The following UHRF2 variants were observed in gnomAD, a reference collection of about 807,000 sequenced individuals.
The protein encoded by UHRF2 is ubiquitin like with PHD and ring finger domains 2, also known as E3 ubiquitin-protein ligase UHRF2.
A neutral mutation model predicts 96.8 loss-of-function variants in UHRF2; 23 were observed. The observed-to-expected ratio is 0.24, with a 90% CI of 0.17 to 0.34. UHRF2 has a LOEUF of 0.34. Among genes scored for constraint, UHRF2 ranks in the 10% least tolerant of loss-of-function variants. UHRF2 has a pLI of 1.00. For missense variants in UHRF2, 685 were observed against 981.5 expected (o/e 0.70, Z 4.04); for synonymous variants, 385 against 332.6 (o/e 1.16, Z -1.72).
chr9:6,436,390 G>C (rs772164748), intron 3 of UHRF2, among the ~76,000 whole-genome samples: 7 of 152,186 alleles, frequency 4.6e-5, no homozygotes, highest in Non-Finnish European at 7.3e-5. Context: ...GGCTGGGGTA[G>C]AAAGGGGTTG....
At chr9:6,476,680 T>G (rs1269332148) in intron 5 of UHRF2, among the ~76,000 whole-genome samples, 1 of 152,068 alleles carries the variant, frequency 6.6e-6, no homozygotes, top group East Asian at 1.9e-4. Context: ...CTGCAACCTC[T>G]GCCTCCCGGG....
intron 1 of UHRF2, among the ~76,000 whole-genome samples, chr9:6,418,828 A>G (rs2130713204): frequency 6.6e-6 from 1 of 152,310 alleles, no homozygotes; most frequent in East Asian, 1.9e-4. Flanking sequence ...GTGGCTTAAA[A>G]CAATAGAAAT....
chr9:6,499,768 GA>G, intron 12 of UHRF2, 66 bp from the exon 13 acceptor site: 1 of 1,050,238 alleles, frequency 9.5e-7, no homozygotes, highest in Non-Finnish European at 1.4e-6. Context: ...TTCTCACCAG[GA>G]TCTAAACCCC....
At chr9:6,486,727 G>T in intron 8 of UHRF2, 94 bp from the exon 9 acceptor site, 1 of 1,180,160 alleles carries the variant, frequency 8.5e-7, no homozygotes, top group Non-Finnish European at 1.2e-6. Flanking sequence ...TCACTTCTTG[G>T]GTCTTTAGGT....
rs1033142073 is a variant in UHRF2, at chr9:6,506,763, A to G, written c.*584A>G. 2.0e-5 allele frequency: 3 copies of G among 152,762 alleles called. No homozygotes were observed. Among genetic ancestry groups the G allele is most frequent in the Non-Finnish European group, 4.4e-5 (3 of 68,120 alleles). The allele number at this position is 152,762 out of a possible 1,614,324, so 9.5% of individuals were successfully genotyped here. On this transcript the variant is annotated 3_prime_UTR_variant, in exon 16 of 16. Coordinates refer to ENST00000276893, the MANE Select transcript of UHRF2 (RefSeq NM_152896.3). ...TGGTGTTTTATGCAAGTTGACTACT[A>G]ATGACTAATGAGAACAATAATGAAT...
chr9:6,485,073 G>T (rs1011270793), intron 8 of UHRF2, among the ~76,000 whole-genome samples: 30 of 151,940 alleles, frequency 2.0e-4, no homozygotes, highest in Admixed American at 2.0e-3. Flanking sequence ...GATTACAGGC[G>T]TGAGCCACCG....
chr9:6,417,369 A>G (rs1369571008), intron 1 of UHRF2, among the ~76,000 whole-genome samples: 4 of 152,230 alleles, frequency 2.6e-5, no homozygotes, highest in Admixed American at 1.3e-4. Context: ...CTTTTGAGAC[A>G]TTGATGGACC....
intron 4 of UHRF2, chr9:6,468,467 T>A (rs1823012643): frequency 2.2e-6 from 1 of 455,986 alleles, no homozygotes; most frequent in Non-Finnish European, 4.4e-6. Flanking sequence ...ACTGCGGGTA[T>A]GTCTCTGGAG....
chr9:6,482,487 G>T (rs1319903228), intron 8 of UHRF2, among the ~76,000 whole-genome samples: 6 of 152,074 alleles, frequency 3.9e-5, no homozygotes, highest in Non-Finnish European at 8.8e-5. Context: ...TTATCCTCCT[G>T]AACAAATGCT....
intron 4 of UHRF2, among the ~76,000 whole-genome samples, chr9:6,469,939 A>G (rs932457268): frequency 6.6e-6 from 1 of 152,154 alleles, no homozygotes; most frequent in African/African-American, 2.4e-5. Flanking sequence ...AAGCAGGATA[A>G]ATATAAAGAA....
chr9:6,465,711 C>T (rs1322887145), intron 4 of UHRF2, among the ~76,000 whole-genome samples: 1 of 152,148 alleles, frequency 6.6e-6, no homozygotes, highest in East Asian at 1.9e-4. Context: ...AAAGAACTAA[C>T]CTTCAGCTTT....
intron 2 of UHRF2, among the ~76,000 whole-genome samples, chr9:6,425,366 C>G (rs2130738146): frequency 6.6e-6 from 1 of 152,298 alleles, no homozygotes; most frequent in South Asian, 2.1e-4. Flanking sequence ...ATCTTACTTT[C>G]TGGCACTACA....
intron 4 of UHRF2, among the ~76,000 whole-genome samples, chr9:6,472,642 T>A (rs1006656143): frequency 2.0e-5 from 3 of 152,188 alleles, no homozygotes; most frequent in African/African-American, 7.2e-5. Flanking sequence ...CAGAACTAAC[T>A]GAACATAAAG....
At chr9:6,480,083 C>CG (rs760188387) in intron 6 of UHRF2, among the ~76,000 whole-genome samples, 1 of 152,210 alleles carries the variant, frequency 6.6e-6, no homozygotes, top group African/African-American at 2.4e-5. Flanking sequence ...TACTCTCTAA[C>CG]TTCGGTTGCT....
chr9:6,493,055 T>C (rs1268608961), intron 9 of UHRF2, among the ~76,000 whole-genome samples: 1 of 152,116 alleles, frequency 6.6e-6, no homozygotes, highest in Non-Finnish European at 1.5e-5. Context: ...CCCAGCACTT[T>C]GGGAGGCCAA....
At chr9:6,463,900 G>A (rs1007551240) in intron 4 of UHRF2, among the ~76,000 whole-genome samples, 1 of 152,110 alleles carries the variant, frequency 6.6e-6, no homozygotes, top group Non-Finnish European at 1.5e-5. Flanking sequence ...AAACAGTGCT[G>A]CCATCAGGTT....
At chr9:6,475,678 TTAAG>T (rs746006995) in intron 5 of UHRF2, among the ~76,000 whole-genome samples, 178 bp downstream of exon 5, 61 of 152,320 alleles carry the variant, frequency 4.0e-4, no homozygotes, top group Admixed American at 2.5e-3. Context: ...TCCTAAATGA[TTAAG>T]TGTTATTTTT....
intron 2 of UHRF2, among the ~76,000 whole-genome samples, chr9:6,433,393 C>A (rs895562348): frequency 3.3e-5 from 5 of 152,156 alleles, no homozygotes; most frequent in African/African-American, 1.2e-4. Context: ...GATCGAACTT[C>A]ACCATTTTGT....
chr9:6,485,937 A>AT (rs1260764657), intron 8 of UHRF2, among the ~76,000 whole-genome samples: 13 of 151,976 alleles, frequency 8.6e-5, no homozygotes, highest in African/African-American at 3.1e-4. Context: ...AGGAATGAAG[A>AT]TATGAGGGGA....
Sources: gnomAD v4.1 joint callset for allele counts (sites outside exome capture counted in the v4.1 genomes callset) on GRCh38, gnomAD v4.1.1 for gene constraint, MANE v1.5 for transcripts, NCBI Gene and HGNC (gene_info 2026-07-23, HGNC 2026-07-21) for gene names.